Variants in ATRNL1 observed in about 807,000 individuals in gnomAD.
ATRNL1 encodes attractin like 1.
In ATRNL1, 95 loss-of-function variants were observed where a neutral mutation model predicts 182.7. The observed-to-expected ratio is 0.52, with a 90% CI of 0.44 to 0.62. ATRNL1 has a LOEUF of 0.62. Ranked by LOEUF, ATRNL1 falls within the 20% of genes least tolerant of loss-of-function variation. The probability of loss-of-function intolerance (pLI) is 0.00; values close to 1 mark genes in which losing one functional copy is unlikely to be tolerated. For synonymous variants in ATRNL1, 576 were observed against 568.3 expected, an observed-to-expected ratio of 1.01 and a Z score of -0.19; for missense variants, 1,471 against 1,679.5, an observed-to-expected ratio of 0.88 and a Z score of 2.17.
chr10:115,337,461 C>T (rs1855544938), intron 19 of ATRNL1, among the ~76,000 whole-genome samples: 1 of 151,766 alleles, frequency 6.6e-6, no homozygotes, highest in Non-Finnish European at 1.5e-5. Flanking sequence ...TTTTTTGCAC[C>T]TCTTAACTAT....
At chr10:115,567,653 T>C (rs1555002305) in intron 26 of ATRNL1, among the ~76,000 whole-genome samples, 1 of 152,134 alleles carries the variant, frequency 6.6e-6, no homozygotes, top group African/African-American at 2.4e-5. Context: ...TCAAATTCTA[T>C]GTTGATTTGT....
At chr10:115,443,438 A>G (rs1441576070) in intron 21 of ATRNL1, among the ~76,000 whole-genome samples, 1 of 151,972 alleles carries the variant, frequency 6.6e-6, no homozygotes. Context: ...GTGATTAATG[A>G]TGAGTTGAAT....
intron 5 of ATRNL1, among the ~76,000 whole-genome samples, chr10:115,155,207 T>A (rs1846448315): frequency 6.6e-6 from 1 of 152,048 alleles, no homozygotes; most frequent in Admixed American, 6.6e-5. Flanking sequence ...GGTATGAGTT[T>A]CCTGCAGTTG....
chr10:115,286,518 T>C (rs1554919014), intron 15 of ATRNL1, 121 bp downstream of exon 15: 1 of 591,198 alleles, frequency 1.7e-6, no homozygotes, highest in African/African-American at 1.9e-5. Flanking sequence ...GTGAAATTGA[T>C]TTCTCAAGTG....
At chr10:115,264,722 G>A (rs949764348) in intron 10 of ATRNL1, among the ~76,000 whole-genome samples, 2 of 151,462 alleles carry the variant, frequency 1.3e-5, no homozygotes, top group African/African-American at 2.4e-5. Flanking sequence ...TCATTAAAGT[G>A]ATTTAAATGT....
At chr10:115,676,694 AAAG>A (rs1218428043) in intron 26 of ATRNL1, among the ~76,000 whole-genome samples, 2 of 151,824 alleles carry the variant, frequency 1.3e-5, no homozygotes, top group Non-Finnish European at 2.9e-5. Context: ...TTTTTTAAAA[AAAG>A]ATAAAAGGCA....
chr10:115,461,661 A>G (rs142078871), intron 21 of ATRNL1, among the ~76,000 whole-genome samples: 1 of 152,178 alleles, frequency 6.6e-6, no homozygotes, highest in African/African-American at 2.4e-5. Context: ...TTATTCACTT[A>G]CTTTTGTATA....
intron 10 of ATRNL1, among the ~76,000 whole-genome samples, chr10:115,253,825 TC>T (rs1354699264): frequency 3.9e-5 from 6 of 152,148 alleles, no homozygotes; most frequent in Middle Eastern, 6.8e-3. Context: ...TGTGTGATGT[TC>T]CCCCTGTGTC....
intron 26 of ATRNL1, among the ~76,000 whole-genome samples, chr10:115,662,396 A>T (rs1860750024): frequency 6.6e-6 from 1 of 152,120 alleles, no homozygotes. Context: ...TGTGGAAGTC[A>T]GTGTGGCGAT....
intron 20 of ATRNL1, among the ~76,000 whole-genome samples, chr10:115,409,147 T>G (rs1434882377): frequency 6.6e-6 from 1 of 152,218 alleles, no homozygotes; most frequent in Non-Finnish European, 1.5e-5. Flanking sequence ...GCATTCAATC[T>G]GTATAGCTTT....
At chr10:115,605,968 G>A (rs1555017488) in intron 26 of ATRNL1, among the ~76,000 whole-genome samples, 1 of 151,950 alleles carries the variant, frequency 6.6e-6, no homozygotes, top group Non-Finnish European at 1.5e-5. Flanking sequence ...ATATCAGTAA[G>A]AAAGATGCAT....
intron 26 of ATRNL1, among the ~76,000 whole-genome samples, chr10:115,566,585 A>T (rs1477083731): frequency 6.6e-6 from 1 of 152,148 alleles, no homozygotes; most frequent in Non-Finnish European, 1.5e-5. Flanking sequence ...GATATTACGG[A>T]GACTATTATG....
intron 27 of ATRNL1, among the ~76,000 whole-genome samples, chr10:115,788,284 T>C (rs1301941771): frequency 6.6e-6 from 1 of 152,200 alleles, no homozygotes; most frequent in African/African-American, 2.4e-5. Flanking sequence ...ATAGAATAGA[T>C]TTTTAAATTG....
intron 21 of ATRNL1, among the ~76,000 whole-genome samples, chr10:115,430,747 T>C (rs2134411422): frequency 6.6e-6 from 1 of 152,308 alleles, no homozygotes; most frequent in South Asian, 2.1e-4. Flanking sequence ...TAAGGTATTT[T>C]TGCCCTTTAT....
At chr10:115,562,324 A>G (rs1853807165) in intron 26 of ATRNL1, among the ~76,000 whole-genome samples, 1 of 152,204 alleles carries the variant, frequency 6.6e-6, no homozygotes, top group Non-Finnish European at 1.5e-5. Flanking sequence ...ATGTGGGGCC[A>G]GATGGAGAAT....
At chr10:115,314,900 C>T (rs1320080861) in intron 17 of ATRNL1, among the ~76,000 whole-genome samples, 2 of 152,188 alleles carry the variant, frequency 1.3e-5, no homozygotes, top group Non-Finnish European at 2.9e-5. Context: ...AGAATGTGTG[C>T]TCTGGTTGCC....
chr10:115,467,041 A>G lies in ATRNL1; in HGVS notation c.3418-133A>G. On this transcript the variant is annotated intron_variant, in intron 22 of 28. Coordinates refer to ENST00000355044, the MANE Select transcript of ATRNL1 (RefSeq NM_207303.4). ...ATTAAAATGTATAAATGGCATCTAC[A>G]TATATTCAGTTGAATATTTACAAAA... is the stretch of plus-strand genomic sequence containing the variant. 4 of 574,522 alleles carry G rather than the reference A, an allele frequency of 7.0e-6. No individual in the cohort carries two copies. The South Asian group carries it at 8.7e-5, about 13-fold the overall frequency. 35.6% of individuals were successfully genotyped at this position (574,522 alleles called of 1,614,324 possible).
chr10:115,630,972 A>G (rs1555026202), intron 26 of ATRNL1, among the ~76,000 whole-genome samples: 3 of 151,562 alleles, frequency 2.0e-5, no homozygotes, highest in South Asian at 4.2e-4. Context: ...GCCAGACACC[A>G]AAGAAAAATA....
At chr10:115,704,939 T>C (rs1946850863) in intron 26 of ATRNL1, among the ~76,000 whole-genome samples, 1 of 151,796 alleles carries the variant, frequency 6.6e-6, no homozygotes, top group Non-Finnish European at 1.5e-5. Context: ...TAACTCCTTC[T>C]TCTCCTTCAC....
Sources: gnomAD v4.1 joint callset for allele counts (sites outside exome capture counted in the v4.1 genomes callset) on GRCh38, gnomAD v4.1.1 for gene constraint, MANE v1.5 for transcripts, NCBI Gene and HGNC (gene_info 2026-07-23, HGNC 2026-07-21) for gene names.